Variants in KYAT1 observed in about 807,000 individuals in gnomAD.
The protein encoded by KYAT1 is kynurenine aminotransferase 1.
A neutral mutation model predicts 52.4 loss-of-function variants in KYAT1; 47 were observed. The observed-to-expected ratio is 0.90, with a 90% CI of 0.71 to 1.14. The LOEUF (loss-of-function observed/expected upper bound fraction) is 1.14. Ranked by LOEUF, KYAT1 falls within the 50% of genes most tolerant of loss-of-function variation. The pLI is 0.00. For missense variants in KYAT1, 480 were observed against 557.9 expected (o/e 0.86, Z 1.41); for synonymous variants, 212 against 209.6 (o/e 1.01, Z -0.10).
chr9:128,843,345 C>T (rs7038883), intron 2 of KYAT1, among the ~76,000 whole-genome samples: 3,000 of 152,052 alleles, frequency 0.02, 51 homozygotes, highest in Non-Finnish European at 0.031. Flanking sequence ...CAGGGGCTTT[C>T]CAAGTTCTTC....
intron 1 of KYAT1, among the ~76,000 whole-genome samples, chr9:128,875,248 GTT>G (rs1201067985): frequency 9.2e-5 from 10 of 108,318 alleles, no homozygotes; most frequent in Admixed American, 1.9e-4. Context: ...GTTTTTTTTT[GTT>G]TTTTTTTTTT....
Position 128,838,274 on chromosome 9 carries a change from C to A in KYAT1, c.295G>T (p.Gly99Cys). 6.2e-7 allele frequency: 1 copy of A among 1,614,218 alleles called. No homozygotes were observed. Among genetic ancestry groups the A allele is most frequent in the Non-Finnish European group, 8.5e-7 (1 of 1,180,036 alleles). ...GCTGTGAACAGGGCCCCATAGCCAC[C>A]AACAGTCACCAGCACATTCCTGAGC... ...DPLRNVLVTV[G>C]GYGALFTAFQ... Residue 99 changes from glycine to cysteine, a missense_variant, in exon 4 of 13, where the codon GGT becomes TGT. Transcript: ENST00000302586.
intron 1 of KYAT1, among the ~76,000 whole-genome samples, chr9:128,880,326 C>A (rs545383391): frequency 2.1e-4 from 32 of 152,214 alleles, no homozygotes; most frequent in Non-Finnish European, 4.0e-4. Context: ...GGCCCCAAGA[C>A]GGGTGTTGCG....
intron 1 of KYAT1, among the ~76,000 whole-genome samples, chr9:128,849,917 C>T (rs529413820): frequency 3.2e-5 from 4 of 123,206 alleles, no homozygotes; most frequent in Non-Finnish European, 6.5e-5. Flanking sequence ...TAGGGTCTCA[C>T]GTTGTTACCC....
chr9:128,835,920 C>T (rs142549598), intron 8 of KYAT1, 52 bp from the exon 9 acceptor site: 1 of 1,606,464 alleles, frequency 6.2e-7, no homozygotes, highest in Non-Finnish European at 8.5e-7. Flanking sequence ...CTGGCTAAAG[C>T]CTTCTTCATT....
chr9:128,878,815 A>G (rs1040151579), intron 1 of KYAT1, among the ~76,000 whole-genome samples: 2 of 152,262 alleles, frequency 1.3e-5, no homozygotes. Context: ...CAAAAACCAC[A>G]ATCTCACTCC....
At chr9:128,840,402 G>A (rs1831934444) in intron 3 of KYAT1, among the ~76,000 whole-genome samples, 1 of 152,124 alleles carries the variant, frequency 6.6e-6, no homozygotes, top group African/African-American at 2.4e-5. Context: ...GGGATTACAG[G>A]CACCCACCAC....
At chr9:128,848,015 T>C (rs1412613502) in intron 1 of KYAT1, among the ~76,000 whole-genome samples, 2 of 152,138 alleles carry the variant, frequency 1.3e-5, no homozygotes, top group Non-Finnish European at 2.9e-5. Flanking sequence ...AATAACACCA[T>C]GGAGATGCAA....
intron 1 of KYAT1, among the ~76,000 whole-genome samples, chr9:128,845,757 G>A (rs1373008643): frequency 6.6e-6 from 1 of 152,234 alleles, no homozygotes; most frequent in African/African-American, 2.4e-5. Flanking sequence ...AGGGCTGAGG[G>A]TTAAAGAAGA....
intron 1 of KYAT1, among the ~76,000 whole-genome samples, chr9:128,865,350 TATATATATA>T (rs1228384553): frequency 1.1e-3 from 4 of 3,754 alleles, no homozygotes; most frequent in African/African-American, 1.7e-3. Flanking sequence ...TATATATATA[TATATATATA>T]TTTTTTTTTT....
chr9:128,872,071 T>A (rs979499763), intron 1 of KYAT1, among the ~76,000 whole-genome samples: 3 of 142,022 alleles, frequency 2.1e-5, no homozygotes, highest in African/African-American at 8.0e-5. Context: ...GAGGTTGCAG[T>A]GAGCTGAGAT....
At chr9:128,835,456 G>T (rs1186635638) in intron 10 of KYAT1, 25 bp downstream of exon 10, 1 of 1,613,654 alleles carries the variant, frequency 6.2e-7, no homozygotes, top group South Asian at 1.1e-5. Flanking sequence ...CCTGCGCCCT[G>T]CCCAGACCGG....
intron 3 of KYAT1, among the ~76,000 whole-genome samples, chr9:128,839,376 C>A (rs1831720631): frequency 6.6e-6 from 1 of 152,096 alleles, no homozygotes; most frequent in Non-Finnish European, 1.5e-5. Flanking sequence ...TTTGTAAGCA[C>A]CCCTTTTTGA....
At chr9:128,853,363 TG>T (rs899786977) in intron 1 of KYAT1, among the ~76,000 whole-genome samples, 1 of 152,220 alleles carries the variant, frequency 6.6e-6, no homozygotes, top group Non-Finnish European at 1.5e-5. Context: ...AATGGAAAAG[TG>T]GCTTAAACTG....
At chr9:128,844,304 A>C (rs983724929) in intron 2 of KYAT1, among the ~76,000 whole-genome samples, 1 of 152,080 alleles carries the variant, frequency 6.6e-6, no homozygotes, top group Non-Finnish European at 1.5e-5. Context: ...AGCACTTTGG[A>C]AGGCCGAGGA....
chr9:128,835,052 G>A (rs2118899831), intron 11 of KYAT1: 2 of 441,076 alleles, frequency 4.5e-6, no homozygotes, highest in Admixed American at 7.5e-5. Context: ...CAGGAGAATG[G>A]CGTGAACCTG....
chr9:128,846,793 G>A (rs1833174053), intron 1 of KYAT1: 1 of 1,535,552 alleles, frequency 6.5e-7, no homozygotes, highest in South Asian at 1.2e-5. Context: ...CGTTCCTGTG[G>A]GTTTGCCAGT....
intron 1 of KYAT1, among the ~76,000 whole-genome samples, chr9:128,850,155 G>C (rs1833754971): frequency 6.6e-6 from 1 of 152,000 alleles, no homozygotes; most frequent in South Asian, 2.1e-4. Flanking sequence ...CACAGTGTTA[G>C]GATTGCAGGC....
intron 1 of KYAT1, among the ~76,000 whole-genome samples, chr9:128,852,265 G>C (rs199542175): frequency 6.6e-6 from 1 of 152,138 alleles, no homozygotes; most frequent in Admixed American, 6.5e-5. Context: ...TCTCCAACCC[G>C]GGATGCCCTC....
Sources: gnomAD v4.1 joint callset for allele counts (sites outside exome capture counted in the v4.1 genomes callset) on GRCh38, gnomAD v4.1.1 for gene constraint, MANE v1.5 for transcripts, NCBI Gene and HGNC (gene_info 2026-07-23, HGNC 2026-07-21) for gene names.